ATG2B: variants seen among roughly 807,000 people sequenced by gnomAD.
The protein encoded by ATG2B is autophagy-related protein 2 homolog B.
In ATG2B, 121 loss-of-function variants were observed where a neutral mutation model predicts 241.3. The observed-to-expected ratio is 0.50, with a 90% CI of 0.43 to 0.58. The LOEUF (loss-of-function observed/expected upper bound fraction) is 0.58. Among genes scored for constraint, ATG2B ranks in the 20% least tolerant of loss-of-function variants. The probability of loss-of-function intolerance (pLI) is 0.00; values close to 1 mark genes in which losing one functional copy is unlikely to be tolerated. For synonymous variants in ATG2B, 858 were observed against 876.6 expected, an observed-to-expected ratio of 0.98 and a Z score of 0.37; for missense variants, 2,306 against 2,491.6, an observed-to-expected ratio of 0.93 and a Z score of 1.59.
At chr14:96,294,687 G>T (rs766752625) in intron 36 of ATG2B, among the ~76,000 whole-genome samples, 19 of 152,168 alleles carry the variant, frequency 1.2e-4, no homozygotes, top group Non-Finnish European at 2.5e-4. Context: ...CTGGAAAGAG[G>T]GGACAGAGGA....
chr14:96,285,671 A>T lies in ATG2B; in HGVS notation c.*84T>A. On this transcript the variant is annotated 3_prime_UTR_variant, in exon 42 of 42. Coordinates refer to ENST00000359933, the MANE Select transcript of ATG2B (RefSeq NM_018036.7). This position sits in a 1 kb window ranked among gnomAD's most constrained non-coding sequence, Gnocchi z 4.2. ...TTCCTGAGATGAGCACAATAAAATT[A>T]AACGAGCTTCCTCTGAAGCTGCTGT... 1.5e-6 allele frequency: 2 copies of T among 1,294,736 alleles called. No individual in the cohort carries two copies. The highest frequency in any genetic ancestry group is 2.2e-6 in the Non-Finnish European group (2 of 913,350). The allele number at this position is 1,294,736 out of a possible 1,614,324, so 80.2% of individuals were successfully genotyped here.
At position 96,284,648 on chromosome 14, in the gene ATG2B, T is replaced by G. The variant is rs747607071; in HGVS notation, c.*1107A>C. 2 of 152,214 alleles carry G rather than the reference T, an allele frequency of 1.3e-5. No homozygotes were observed. Among genetic ancestry groups the G allele is most frequent in the African/African-American group, 2.4e-5 (1 of 41,446 alleles). 9.4% of individuals were successfully genotyped at this position (152,214 alleles called of 1,614,324 possible). A position where few individuals can be genotyped will look rare whatever the true frequency, so the allele number is the denominator to read the frequency against. On this transcript the variant is annotated 3_prime_UTR_variant, in exon 42 of 42. Transcript: ENST00000359933. ...ACCTGATATTAACCAAAATCGATTTTGAGAAAGTGTTCCCAATTATCTTGT... is the reference window on the plus strand; with the variant it reads ...ACCTGATATTAACCAAAATCGATTTGGAGAAAGTGTTCCCAATTATCTTGT...
chr14:96,287,911 T>C (rs538470535), intron 41 of ATG2B, among the ~76,000 whole-genome samples: 3 of 152,222 alleles, frequency 2.0e-5, no homozygotes, highest in South Asian at 4.1e-4. Flanking sequence ...ACTTCTGATC[T>C]AAAAGATGAG....
At chr14:96,319,076 C>T (rs938613331) in intron 18 of ATG2B, among the ~76,000 whole-genome samples, 4 of 152,172 alleles carry the variant, frequency 2.6e-5, no homozygotes, top group Non-Finnish European at 5.9e-5. Flanking sequence ...GAATACCGGT[C>T]AAGGCGCCGC....
chr14:96,312,069 A>G lies in ATG2B; in HGVS notation c.3913+20T>C, dbSNP rs1425912969. ...AAATAAAGCAGAATTTATCTACTCC[A>G]TTTGTTTTTTAACTCTTACCTCTAC... is the stretch of plus-strand genomic sequence containing the variant. On this transcript the variant is annotated intron_variant, in intron 26 of 41. Transcript: ENST00000359933. 1.9e-6 allele frequency: 3 copies of G among 1,578,572 alleles called. No individual in the cohort carries two copies. The highest frequency in any genetic ancestry group is 8.7e-7 in the Non-Finnish European group (1 of 1,150,884).
At chr14:96,297,953 G>C (rs1322421344) in intron 34 of ATG2B, among the ~76,000 whole-genome samples, 1 of 151,806 alleles carries the variant, frequency 6.6e-6, no homozygotes, top group Non-Finnish European at 1.5e-5. Context: ...CACCATGCCT[G>C]GCTATTTTTT....
At chr14:96,328,880 T>C (rs1383376735) in intron 12 of ATG2B, 114 bp from the exon 13 acceptor site, 4 of 698,086 alleles carry the variant, frequency 5.7e-6, no homozygotes, top group Non-Finnish European at 9.3e-6. Context: ...TTAAGTTTCA[T>C]TTTTGTCACT....
At chr14:96,350,393 C>T (rs745774952) in intron 1 of ATG2B, among the ~76,000 whole-genome samples, 1 of 152,086 alleles carries the variant, frequency 6.6e-6, no homozygotes, top group Non-Finnish European at 1.5e-5. Flanking sequence ...GGAAGAACAA[C>T]ATGACAGAGA....
chr14:96,323,324 T>A (rs1389084798), intron 16 of ATG2B, among the ~76,000 whole-genome samples: 4 of 152,134 alleles, frequency 2.6e-5, no homozygotes, highest in Non-Finnish European at 5.9e-5. Context: ...AGCTTTTTAC[T>A]CCAGAGTAAT....
chr14:96,303,685 G>A (rs1886856914), intron 32 of ATG2B, among the ~76,000 whole-genome samples: 1 of 152,072 alleles, frequency 6.6e-6, no homozygotes, highest in Non-Finnish European at 1.5e-5. Context: ...TATACATAAA[G>A]TTCAGTACTA....
chr14:96,295,727 CCACACA>C (rs59902412), intron 34 of ATG2B, among the ~76,000 whole-genome samples, 167 bp from the exon 35 acceptor site: 1 of 145,758 alleles, frequency 6.9e-6, no homozygotes, highest in Non-Finnish European at 1.5e-5. Flanking sequence ...CTTCCCCCCA[CCACACA>C]CACACACACA....
intron 1 of ATG2B, among the ~76,000 whole-genome samples, chr14:96,362,386 C>G (rs1888672705): frequency 6.6e-6 from 1 of 152,154 alleles, no homozygotes; most frequent in Non-Finnish European, 1.5e-5. Context: ...CAACCCAAAA[C>G]AAATAACTAG....
intron 27 of ATG2B, 47 bp from the exon 28 acceptor site, chr14:96,311,334 CAA>C (rs773922529): frequency 3.4e-5 from 53 of 1,549,824 alleles, no homozygotes; most frequent in Non-Finnish European, 4.4e-5. Context: ...CCAAATGAGA[CAA>C]AAGTTTCTTT....
chr14:96,329,249 C>T (rs1887665966), intron 12 of ATG2B, among the ~76,000 whole-genome samples: 1 of 152,008 alleles, frequency 6.6e-6, no homozygotes, highest in African/African-American at 2.4e-5. Flanking sequence ...CTCTCATAAC[C>T]CACCTGTCAC....
Position 96,281,145 on chromosome 14 carries a change from G to C in ATG2B, c.*4610C>G, listed in dbSNP as rs1263546481. On this transcript the variant is annotated 3_prime_UTR_variant, in exon 42 of 42. Coordinates refer to ENST00000359933, the MANE Select transcript of ATG2B (RefSeq NM_018036.7). ...GCTATCAGAAGCATCAGGGGCACTG[G>C]AACATCATTTCCCAATAACAAGGTC... 6.6e-6 allele frequency: 1 copy of C among 152,054 alleles called. No individual in the cohort carries two copies. The highest frequency in any genetic ancestry group is 1.5e-5 in the Non-Finnish European group (1 of 68,024). 9.4% of individuals were successfully genotyped at this position (152,054 alleles called of 1,614,324 possible). A position where few individuals can be genotyped will look rare whatever the true frequency, so the allele number is the denominator to read the frequency against.
chr14:96,363,229 G>C lies in ATG2B; in HGVS notation c.-253C>G. On this transcript the variant is annotated 5_prime_UTR_variant, in exon 1 of 42. Coordinates refer to ENST00000359933, the MANE Select transcript of ATG2B (RefSeq NM_018036.7). Reference sequence around the variant, plus strand: ...GGACTTCCGAGGAGGGTCCCAACCGGCTCGGAGAGAGTGCAAGAGAGCGCG... The same window carrying C: ...GGACTTCCGAGGAGGGTCCCAACCGCCTCGGAGAGAGTGCAAGAGAGCGCG... 2.1e-6 allele frequency: 1 copy of C among 466,640 alleles called. No homozygotes were observed. The highest frequency in any genetic ancestry group is 3.8e-6 in the Non-Finnish European group (1 of 260,034). 28.9% of individuals were successfully genotyped at this position (466,640 alleles called of 1,614,324 possible). A position where few individuals can be genotyped will look rare whatever the true frequency, so the allele number is the denominator to read the frequency against.
chr14:96,315,211 C>T lies in ATG2B; in HGVS notation c.3585G>A (p.Leu1195=). The change falls in exon 23 of 42, where the codon CTG becomes CTA. Residue 1195 remains leucine (L), a synonymous_variant. Transcript: ENST00000359933. The part of the protein sequence containing the change: ...NTKEFLIAVG[L]KGATLQHRML... Reference sequence around the variant, plus strand: ...TTCTATGCTGGAGAGTGGCTCCTTTCAGTCCTACGGCAATGAGAAATTCCT... The same window carrying T: ...TTCTATGCTGGAGAGTGGCTCCTTTTAGTCCTACGGCAATGAGAAATTCCT... 1.2e-6 allele frequency: 2 copies of T among 1,614,082 alleles called. No homozygotes were observed. Among genetic ancestry groups the T allele is most frequent in the Non-Finnish European group, 8.5e-7 (1 of 1,179,974 alleles).
intron 32 of ATG2B, among the ~76,000 whole-genome samples, chr14:96,303,776 AG>A (rs1886860918): frequency 6.6e-6 from 1 of 152,206 alleles, no homozygotes; most frequent in Non-Finnish European, 1.5e-5. Flanking sequence ...TACCATACAC[AG>A]AGAAGCTTGA....
intron 8 of ATG2B, 23 bp from the exon 9 acceptor site, chr14:96,332,678 A>C: frequency 6.6e-7 from 1 of 1,521,120 alleles, no homozygotes; most frequent in Non-Finnish European, 8.8e-7. Context: ...AAACTATGTC[A>C]CTTGTATTAT....
Sources: allele counts gnomAD v4.1 joint callset (sites outside exome capture counted in the v4.1 genomes callset), GRCh38; gene constraint gnomAD v4.1.1; non-coding constraint Gnocchi (gnomAD v3.1); transcripts MANE v1.5; gene names NCBI Gene and HGNC (gene_info 2026-07-23, HGNC 2026-07-21).